Variants in TLL1 observed in about 807,000 individuals in gnomAD.
TLL1 encodes the protein tolloid-like protein 1.
TLL1 carries 49 observed loss-of-function variants against 128.2 expected under a neutral mutation model. The ratio of observed to expected loss-of-function variants is 0.38; its 90% CI spans 0.30 to 0.48. The LOEUF (loss-of-function observed/expected upper bound fraction) is 0.48, where lower values mean the gene tolerates loss of function less well. Ranked by LOEUF, TLL1 falls within the 20% of genes least tolerant of loss-of-function variation. TLL1 has a pLI of 0.96. For missense variants in TLL1, 1,123 were observed against 1,242.0 expected (o/e 0.90, Z 1.44); for synonymous variants, 454 against 418.8 (o/e 1.08, Z -1.03).
At chr4:166,044,468 C>G in intron 12 of TLL1, 1 of 1,498,838 alleles carries the variant, frequency 6.7e-7, no homozygotes, top group Non-Finnish European at 9.0e-7. Flanking sequence ...GTCTCTGTCC[C>G]CTTGCATGTA....
intron 15 of TLL1, 75 bp from the exon 16 acceptor site, chr4:166,065,608 A>T (rs1740532467): frequency 4.0e-6 from 6 of 1,515,086 alleles, no homozygotes; most frequent in Non-Finnish European, 5.5e-6. Context: ...GAAAAATAAG[A>T]TATGTTTTTT....
intron 19 of TLL1, among the ~76,000 whole-genome samples, chr4:166,093,980 A>G (rs1467175990): frequency 1.3e-5 from 2 of 152,108 alleles, no homozygotes; most frequent in Non-Finnish European, 2.9e-5. Context: ...AATTAACAGC[A>G]TCTCAGCAAA....
chr4:165,976,524 T>C (rs1735893370), intron 1 of TLL1, among the ~76,000 whole-genome samples: 1 of 152,226 alleles, frequency 6.6e-6, no homozygotes, highest in Non-Finnish European at 1.5e-5. Flanking sequence ...CAAGGTCTCA[T>C]TGGGTTTTTC....
intron 19 of TLL1, among the ~76,000 whole-genome samples, chr4:166,096,744 T>C (rs1055531864): frequency 6.6e-6 from 1 of 152,118 alleles, no homozygotes; most frequent in Non-Finnish European, 1.5e-5. Flanking sequence ...ATTCTCAAAC[T>C]TGGAGAAGAG....
chr4:165,961,144 A>T (rs565787921), intron 1 of TLL1, among the ~76,000 whole-genome samples: 34 of 152,222 alleles, frequency 2.2e-4, no homozygotes, highest in Non-Finnish European at 3.4e-4. Context: ...AAATCACCAT[A>T]AAAAAATCAG....
intron 1 of TLL1, among the ~76,000 whole-genome samples, chr4:165,956,389 T>G (rs1257112207): frequency 6.6e-6 from 1 of 151,926 alleles, no homozygotes; most frequent in Non-Finnish European, 1.5e-5. Flanking sequence ...AGACAGACAT[T>G]CCCAGAGCGG....
chr4:166,019,898 G>A (rs2111060116), intron 8 of TLL1, among the ~76,000 whole-genome samples: 1 of 152,154 alleles, frequency 6.6e-6, no homozygotes, highest in African/African-American at 2.4e-5. Context: ...ACCACAATTA[G>A]TTATTACACA....
At chr4:165,897,466 C>T (rs1218872465) in intron 1 of TLL1, among the ~76,000 whole-genome samples, 2 of 152,066 alleles carry the variant, frequency 1.3e-5, no homozygotes, top group Non-Finnish European at 2.9e-5. Flanking sequence ...TTCCCAACAC[C>T]ATTTATTAAA....
At chr4:166,031,809 T>C (rs1738783386) in intron 9 of TLL1, among the ~76,000 whole-genome samples, 1 of 152,146 alleles carries the variant, frequency 6.6e-6, no homozygotes, top group Non-Finnish European at 1.5e-5. Flanking sequence ...CAACGTATAA[T>C]GATAAACAAT....
chr4:165,927,103 A>G (rs1299566163), intron 1 of TLL1, among the ~76,000 whole-genome samples: 1 of 152,220 alleles, frequency 6.6e-6, no homozygotes, highest in Non-Finnish European at 1.5e-5. Context: ...AGGGTTAAAG[A>G]GAGGAAATCC....
intron 12 of TLL1, among the ~76,000 whole-genome samples, chr4:166,051,242 TTC>T (rs922011380): frequency 1.1e-4 from 16 of 151,880 alleles, no homozygotes; most frequent in African/African-American, 2.9e-4. Context: ...CTTTTCTTTT[TTC>T]TCTTTTTTCT....
chr4:165,992,849 A>G lies in TLL1; in HGVS notation c.326A>G (p.Tyr109Cys), dbSNP rs765888239. ...HAMSKKRGAL[Y>C]QLIDRIRRIG... ...ATGTCAAAGAAGCGAGGGGCCCTCT[A>G]CCAACTTATAGACAGGATAAGAAGA... Residue 109 changes from tyrosine to cysteine, a missense_variant, in exon 3 of 21, where the codon TAC becomes TGC. This residue lies in a region of TLL1 where 480 missense variants were observed against 542.4 expected (regional missense o/e 0.89). Coordinates refer to ENST00000061240, the MANE Select transcript of TLL1 (RefSeq NM_012464.5). 2 of 1,613,358 alleles carry G rather than the reference A, an allele frequency of 1.2e-6. No individual in the cohort carries two copies. The highest frequency in any genetic ancestry group is 2.2e-5 in the East Asian group (1 of 44,840).
chr4:165,974,131 A>ATTTTTTTTTT (rs1735759298), intron 1 of TLL1, among the ~76,000 whole-genome samples: 3 of 53,878 alleles, frequency 5.6e-5, no homozygotes, highest in African/African-American at 2.4e-4. Context: ...CCTGGACCTC[A>ATTTTTTTTTT]TCTTTTTTTT....
chr4:166,064,836 A>G (rs1188664943), intron 15 of TLL1, among the ~76,000 whole-genome samples: 1 of 152,106 alleles, frequency 6.6e-6, no homozygotes, highest in Non-Finnish European at 1.5e-5. Context: ...CCTATTTAGT[A>G]GCAGAAGAAC....
chr4:166,083,559 G>C (rs1338119203), intron 18 of TLL1, among the ~76,000 whole-genome samples: 1 of 122,500 alleles, frequency 8.2e-6, no homozygotes, highest in Admixed American at 9.8e-5. Flanking sequence ...AACCACCCTA[G>C]CCTTTGGTCA....
At chr4:166,057,397 C>G in intron 14 of TLL1, 88 bp downstream of exon 14, 1 of 1,555,982 alleles carries the variant, frequency 6.4e-7, no homozygotes, top group Non-Finnish European at 8.7e-7. Flanking sequence ...CTCTTTCTTT[C>G]CCTTTTTCCT....
intron 9 of TLL1, among the ~76,000 whole-genome samples, chr4:166,029,872 T>C (rs1406796604): frequency 2.0e-5 from 3 of 152,080 alleles, no homozygotes; most frequent in Non-Finnish European, 4.4e-5. Context: ...ATACACATTT[T>C]CTTTATCCTT....
intron 1 of TLL1, among the ~76,000 whole-genome samples, chr4:165,915,190 C>T (rs1274974420): frequency 6.6e-6 from 1 of 152,078 alleles, no homozygotes; most frequent in Non-Finnish European, 1.5e-5. Flanking sequence ...TACATATGTA[C>T]TATAAGTAAT....
At chr4:165,895,051 A>G (rs1271517596) in intron 1 of TLL1, among the ~76,000 whole-genome samples, 2 of 152,256 alleles carry the variant, frequency 1.3e-5, no homozygotes, top group African/African-American at 4.8e-5. Flanking sequence ...AATGAGATAA[A>G]TTACACTGAT....
Sources: gnomAD v4.1 joint callset for allele counts (sites outside exome capture counted in the v4.1 genomes callset) on GRCh38, gnomAD v4.1.1 for gene constraint, gnomAD v4.1.1 regional missense constraint, MANE v1.5 for transcripts, NCBI Gene and HGNC (gene_info 2026-07-23, HGNC 2026-07-21) for gene names.